SLC7A2: variants seen among roughly 807,000 people sequenced by gnomAD.
The protein encoded by SLC7A2 is solute carrier family 7 member 2.
SLC7A2 carries 48 observed loss-of-function variants against 58.9 expected under a neutral mutation model. The ratio of observed to expected loss-of-function variants is 0.82; its 90% CI spans 0.65 to 1.04. The LOEUF is 1.04. Among genes scored for constraint, SLC7A2 ranks in the 50% least tolerant of loss-of-function variants. The pLI is 0.00. For missense variants in SLC7A2, 1,029 were observed against 818.8 expected (o/e 1.26, Z -3.13); for synonymous variants, 363 against 314.5 (o/e 1.15, Z -1.63).
chr8:17,523,186 G>A (rs1219093511), intron 2 of SLC7A2, among the ~76,000 whole-genome samples: 2 of 152,030 alleles, frequency 1.3e-5, no homozygotes, highest in Admixed American at 6.6e-5. Context: ...GAAAGAAAAT[G>A]ACCATACGGC....
Position 17,518,401 on chromosome 8 carries a change from A to G in SLC7A2, c.-23+16099A>G, listed in dbSNP as rs1023239327. ...AAGGCATATTCTGGAATAGTGTTTC[A>G]TCTCAGTTTAGAATGTGTACTTCAT... On this transcript the variant is annotated intron_variant, in intron 2 of 12. Transcript: ENST00000494857. 2.0e-5 allele frequency among the ~76,000 whole-genome samples: 3 copies of G among 152,164 alleles called. No homozygotes were observed. In the East Asian group the frequency reaches 5.8e-4, roughly 29 times the overall value.
At chr8:17,500,977 G>A (rs1316869491) in intron 1 of SLC7A2, among the ~76,000 whole-genome samples, 1 of 151,222 alleles carries the variant, frequency 6.6e-6, no homozygotes, top group African/African-American at 2.4e-5. Context: ...ATGGAAGCAA[G>A]CAGTATGCTG....
In SLC7A2 at chr8:17,548,936, C is replaced by T. The variant is rs1802310234; in HGVS notation, c.698+93C>T. The T allele has an allele frequency of 5.8e-6, 6 of 1,036,468 alleles. No homozygotes were observed. In the East Asian group the frequency reaches 9.6e-5, roughly 17 times the overall value. 64.2% of individuals were successfully genotyped at this position (1,036,468 alleles called of 1,614,324 possible). Reference sequence around the variant, plus strand: ...TTCATTTTTACTCTGCTAATAAAGACATACCCATGACTGGGTAATTTATAA... The same window carrying T: ...TTCATTTTTACTCTGCTAATAAAGATATACCCATGACTGGGTAATTTATAA... On this transcript the variant is annotated intron_variant, in intron 5 of 12. Coordinates refer to ENST00000494857, the MANE Select transcript of SLC7A2 (RefSeq NM_001370338.1).
intron 2 of SLC7A2, among the ~76,000 whole-genome samples, chr8:17,539,241 G>C (rs897994025): frequency 6.6e-6 from 1 of 152,286 alleles, no homozygotes; most frequent in East Asian, 1.9e-4. Flanking sequence ...AAGTTGCTGA[G>C]GAAGGAATTT....
chr8:17,505,736 T>C (rs768962340), intron 2 of SLC7A2, among the ~76,000 whole-genome samples: 7 of 152,190 alleles, frequency 4.6e-5, no homozygotes, highest in Admixed American at 4.6e-4. Flanking sequence ...GGAGCATCTT[T>C]AGTGTGACAT....
chr8:17,529,660 G>C (rs537305271), intron 2 of SLC7A2, among the ~76,000 whole-genome samples: 9 of 151,752 alleles, frequency 5.9e-5, no homozygotes, highest in Non-Finnish European at 5.9e-5. Context: ...TCAGCCTCTC[G>C]ATTAGCTGGG....
At chr8:17,556,414 T>A (rs62498019) in intron 8 of SLC7A2, among the ~76,000 whole-genome samples, 2,273 of 152,230 alleles carry the variant, frequency 0.015, 25 homozygotes, top group Non-Finnish European at 0.023. Flanking sequence ...AAGATAATTA[T>A]AATAGACCAC....
intron 2 of SLC7A2, among the ~76,000 whole-genome samples, chr8:17,509,098 C>T (rs1563435304): frequency 2.0e-5 from 3 of 152,040 alleles, no homozygotes; most frequent in African/African-American, 7.2e-5. Flanking sequence ...TTGGTACCAA[C>T]TGTAATTGAA....
At chr8:17,549,258 A>G (rs1460878571) in intron 5 of SLC7A2, among the ~76,000 whole-genome samples, 1 of 152,240 alleles carries the variant, frequency 6.6e-6, no homozygotes, top group South Asian at 2.1e-4. Context: ...GCCAAACCAT[A>G]CCAGAAGGCA....
rs116651244 is a variant in SLC7A2 at position 17,521,138 on chromosome 8, G to C, written c.-23+18836G>C. 2.2e-3 allele frequency among the ~76,000 whole-genome samples: 337 copies of C among 152,114 alleles called. 1 individual carries two copies. Among genetic ancestry groups the C allele is most frequent in the African/African-American group, 7.4e-3 (306 of 41,506 alleles). On this transcript the variant is annotated intron_variant, in intron 2 of 12. Coordinates refer to ENST00000494857, the MANE Select transcript of SLC7A2 (RefSeq NM_001370338.1). ...TCTACTATTTTTTTTGGTAGTCCTT[G>C]AGCCATTTTAGGATACTTGCTTTCT...
intron 2 of SLC7A2, among the ~76,000 whole-genome samples, chr8:17,508,673 G>A (rs905275822): frequency 2.0e-5 from 3 of 151,728 alleles, no homozygotes; most frequent in African/African-American, 4.9e-5. Flanking sequence ...ACAGTGAGGC[G>A]AGACCACTCC....
chr8:17,530,202 G>A (rs1045750578), intron 2 of SLC7A2, among the ~76,000 whole-genome samples: 21 of 152,022 alleles, frequency 1.4e-4, no homozygotes, highest in Non-Finnish European at 1.8e-4. Context: ...CCGGTCCGCC[G>A]CTGCTTCTTT....
Position 17,554,560 on chromosome 8 carries a change from T to A in SLC7A2, c.1056T>A (p.Ser352Arg). The change falls in exon 8 of 13, where the codon AGT becomes AGA. Residue 352 changes from serine (S) to arginine (R), a missense_variant and splice_region_variant. Physicochemically the swap from Ser to Arg is moderately radical, Grantham distance 110 (BLOSUM62 -1). Coordinates refer to ENST00000494857, the MANE Select transcript of SLC7A2 (RefSeq NM_001370338.1). ...AAGSLCALST[S>R]LLGSIFPMPR... ...CTGCATGTGTTTGCTTTTTATTCAGTCTTCTTGGATCCATTTTCCCAATGC... is the reference window on the plus strand; with the variant it reads ...CTGCATGTGTTTGCTTTTTATTCAGACTTCTTGGATCCATTTTCCCAATGC... 1.3e-6 allele frequency: 2 copies of A among 1,596,902 alleles called. No individual in the cohort carries two copies. The highest frequency in any genetic ancestry group is 1.2e-5 in the South Asian group (1 of 86,736).
intron 2 of SLC7A2, among the ~76,000 whole-genome samples, chr8:17,533,438 C>T (rs1801539555): frequency 1.3e-5 from 2 of 152,170 alleles, no homozygotes; most frequent in East Asian, 1.9e-4. Flanking sequence ...GGTTAAATTC[C>T]ACTTCTGCCA....
Position 17,550,439 on chromosome 8 carries a change from G to A in SLC7A2, c.832+5G>A. On this transcript the variant is annotated splice_donor_5th_base_variant and intron_variant, in intron 6 of 12. Transcript: ENST00000494857. ...TTGACTGCATTGCAACAACTGGTAA[G>A]AGCAGTGTCTTGGCTCAGTGTAGAA... 1 of 1,612,694 alleles carries A rather than the reference G, an allele frequency of 6.2e-7. No homozygotes were observed. The highest frequency in any genetic ancestry group is 1.1e-5 in the South Asian group (1 of 90,862).
Position 17,560,530 on chromosome 8 carries a change from C to A in SLC7A2, c.1501C>A (p.Leu501Ile). 1 of 1,612,138 alleles carries A rather than the reference C, an allele frequency of 6.2e-7. No individual in the cohort carries two copies. Among genetic ancestry groups the A allele is most frequent in the African/African-American group, 1.3e-5 (1 of 74,942 alleles). ...TCTCGTGAGCTTTCTGGTAGGATTC[C>A]TAGGTAAGTCTTCTTCTCTGCTTAC... The part of the protein sequence containing the change: ...ASLVSFLVGF[L>I]AFLVLGLSVL... Residue 501 changes from leucine to isoleucine, a missense_variant, in exon 10 of 13, where the codon CTA becomes ATA. Leu to Ile is a conservative substitution (Grantham distance 5). Transcript: ENST00000494857.
intron 7 of SLC7A2, 136 bp from the exon 8 acceptor site, chr8:17,554,424 A>G: frequency 7.6e-6 from 5 of 660,858 alleles, no homozygotes; most frequent in Non-Finnish European, 1.1e-5. Context: ...AAATAATGAC[A>G]TAATTATTAA....
chr8:17,524,429 C>CAT (rs1801143189), intron 2 of SLC7A2, among the ~76,000 whole-genome samples: 1 of 144,864 alleles, frequency 6.9e-6, no homozygotes, highest in Admixed American at 7.5e-5. Context: ...TGTACACACA[C>CAT]ACACACACAC....
chr8:17,543,795 A>C, intron 3 of SLC7A2, 80 bp downstream of exon 3: 1 of 1,311,466 alleles, frequency 7.6e-7, no homozygotes. Context: ...GTTCAGTTGT[A>C]GGTGTTGGGT....
Sources: gnomAD v4.1 joint callset for allele counts (sites outside exome capture counted in the v4.1 genomes callset) on GRCh38, gnomAD v4.1.1 for gene constraint, MANE v1.5 for transcripts, NCBI Gene and HGNC (gene_info 2026-07-23, HGNC 2026-07-21) for gene names.